Variants in CNTNAP4 observed in about 807,000 individuals in gnomAD.
The protein encoded by CNTNAP4 is contactin-associated protein-like 4.
CNTNAP4 carries 98 observed loss-of-function variants against 148.4 expected under a neutral mutation model. The observed-to-expected ratio is 0.66, with a 90% CI of 0.56 to 0.78. The LOEUF is 0.78. Among genes scored for constraint, CNTNAP4 ranks in the 30% least tolerant of loss-of-function variants. The probability of loss-of-function intolerance (pLI) is 0.00; values close to 1 mark genes in which losing one functional copy is unlikely to be tolerated. For synonymous variants in CNTNAP4, 730 were observed against 565.1 expected (o/e 1.29, Z -4.14); for missense variants, 1,935 against 1,565.6 (o/e 1.24, Z -3.98).
At chr16:76,522,313 C>T (rs952537730) in intron 17 of CNTNAP4, 56 bp downstream of exon 17, 9 of 1,440,494 alleles carry the variant, frequency 6.2e-6, no homozygotes, top group Admixed American at 5.4e-5. Context: ...CAGAAATGGC[C>T]CAAGATAAAA....
intron 2 of CNTNAP4, among the ~76,000 whole-genome samples, chr16:76,331,936 G>C (rs1384041982): frequency 6.6e-6 from 1 of 152,114 alleles, no homozygotes; most frequent in African/African-American, 2.4e-5. Context: ...GCTTATTCGG[G>C]AATGTCACTT....
At chr16:76,445,890 T>C (rs532427325) in intron 4 of CNTNAP4, among the ~76,000 whole-genome samples, 2 of 152,300 alleles carry the variant, frequency 1.3e-5, no homozygotes, top group East Asian at 3.9e-4. Context: ...TTACTGGAAT[T>C]TTTCTTAATT....
chr16:76,526,835 G>C lies in CNTNAP4; in HGVS notation c.2755+4578G>C, dbSNP rs567347104. ...ACCACAGGTACATGCCACCACGCTTGGCTAATTTTTGTATTTTTTATAGAA... is the reference window on the plus strand; with the variant it reads ...ACCACAGGTACATGCCACCACGCTTCGCTAATTTTTGTATTTTTTATAGAA... On this transcript the variant is annotated intron_variant, in intron 17 of 23. Transcript: ENST00000611870. Among the ~76,000 whole-genome samples the C allele has an allele frequency of 3.9e-5, 6 of 152,070 alleles. No homozygotes were observed. The South Asian group carries it at 1.0e-3, about 26-fold the overall frequency.
At chr16:76,484,638 C>T (rs535398844) in intron 12 of CNTNAP4, among the ~76,000 whole-genome samples, 88 of 152,112 alleles carry the variant, frequency 5.8e-4, no homozygotes, top group African/African-American at 2.1e-3. Flanking sequence ...TCTGGTTTTG[C>T]AAATAAGGAA....
intron 4 of CNTNAP4, among the ~76,000 whole-genome samples, chr16:76,438,366 G>C (rs1391081422): frequency 6.6e-6 from 1 of 152,092 alleles, no homozygotes; most frequent in Non-Finnish European, 1.5e-5. Flanking sequence ...ACCACCTTTG[G>C]AGTTCAAGTC....
intron 3 of CNTNAP4, among the ~76,000 whole-genome samples, chr16:76,412,306 C>T (rs975071847): frequency 9.9e-5 from 15 of 151,304 alleles, no homozygotes; most frequent in Non-Finnish European, 1.6e-4. Context: ...AAAATATTCA[C>T]GTACATACAT....
intron 5 of CNTNAP4, among the ~76,000 whole-genome samples, chr16:76,448,549 C>G (rs1430096502): frequency 6.6e-6 from 1 of 151,880 alleles, no homozygotes; most frequent in Non-Finnish European, 1.5e-5. Context: ...AGCGTGCAAT[C>G]AGTAATAATG....
chr16:76,404,149 A>T (rs558364893), intron 3 of CNTNAP4, among the ~76,000 whole-genome samples: 1 of 152,298 alleles, frequency 6.6e-6, no homozygotes, highest in African/African-American at 2.4e-5. Context: ...TTTATATAAC[A>T]AACCTACACA....
In CNTNAP4 at chr16:76,516,437, T is replaced by C. The variant is rs202189561; in HGVS notation, c.2366-4703T>C. Among the ~76,000 whole-genome samples the C allele has an allele frequency of 5.9e-5, 9 of 152,350 alleles. No homozygotes were observed. The East Asian group carries it at 1.5e-3, about 26-fold the overall frequency. On this transcript the variant is annotated intron_variant, in intron 15 of 23. Transcript: ENST00000611870. ...AATGATTTATAATTCTTTGGGTGTA[T>C]GCCCAGTAATGGCATTGCTGGGTCA...
At chr16:76,414,457 C>T (rs2078908808) in intron 3 of CNTNAP4, among the ~76,000 whole-genome samples, 2 of 151,144 alleles carry the variant, frequency 1.3e-5, no homozygotes, top group African/African-American at 4.8e-5. Context: ...TTTGGATTGG[C>T]ATTCATGGGT....
At chr16:76,417,577 C>G (rs892790394) in intron 3 of CNTNAP4, among the ~76,000 whole-genome samples, 1 of 151,540 alleles carries the variant, frequency 6.6e-6, no homozygotes, top group African/African-American at 2.4e-5. Context: ...TATCCATGTG[C>G]TATAAGCACC....
chr16:76,400,807 G>A (rs1271800014), intron 3 of CNTNAP4, among the ~76,000 whole-genome samples: 3 of 152,192 alleles, frequency 2.0e-5, no homozygotes, highest in Middle Eastern at 3.4e-3. Flanking sequence ...TCCTTTCCAC[G>A]TTGCTTGTTT....
chr16:76,500,679 G>GT (rs1404446776), intron 15 of CNTNAP4, among the ~76,000 whole-genome samples: 1 of 150,214 alleles, frequency 6.7e-6, no homozygotes, highest in Non-Finnish European at 1.5e-5. Flanking sequence ...GGTGCATGCT[G>GT]TTTTGCATAT....
intron 10 of CNTNAP4, among the ~76,000 whole-genome samples, chr16:76,474,974 G>A (rs2081512276): frequency 1.3e-5 from 2 of 152,080 alleles, no homozygotes; most frequent in African/African-American, 2.4e-5. Flanking sequence ...GTTGAACACG[G>A]CACCGTTTCT....
chr16:76,316,247 G>T (rs747070946), intron 1 of CNTNAP4, 166 bp from the exon 2 acceptor site: 30 of 654,474 alleles, frequency 4.6e-5, no homozygotes, highest in Non-Finnish European at 7.0e-5. Flanking sequence ...TTTTCTCATT[G>T]AACTTACTAG....
chr16:76,323,732 C>T (rs957060970), intron 2 of CNTNAP4, among the ~76,000 whole-genome samples: 6 of 152,110 alleles, frequency 3.9e-5, no homozygotes, highest in Non-Finnish European at 5.9e-5. Context: ...CGTCTTGGTG[C>T]GTTTTCCATC....
chr16:76,347,153 G>GTGTC (rs1248794402), intron 2 of CNTNAP4, among the ~76,000 whole-genome samples: 1 of 151,914 alleles, frequency 6.6e-6, no homozygotes, highest in African/African-American at 2.4e-5. Flanking sequence ...GTGTGTGTGT[G>GTGTC]TGTGTGTGTG....
intron 8 of CNTNAP4, among the ~76,000 whole-genome samples, chr16:76,460,343 A>G (rs1368689803): frequency 6.6e-6 from 1 of 151,614 alleles, no homozygotes; most frequent in Admixed American, 6.6e-5. Context: ...TCCCGACCTC[A>G]GGTGATCCGC....
At chr16:76,462,916 T>C (rs1254041306) in intron 9 of CNTNAP4, among the ~76,000 whole-genome samples, 1 of 152,248 alleles carries the variant, frequency 6.6e-6, no homozygotes, top group African/African-American at 2.4e-5. Context: ...TTGCATTTGA[T>C]AGAGGTAGCT....
Sources: allele counts gnomAD v4.1 joint callset (sites outside exome capture counted in the v4.1 genomes callset), GRCh38; gene constraint gnomAD v4.1.1; transcripts MANE v1.5; gene names NCBI Gene and HGNC (gene_info 2026-07-23, HGNC 2026-07-21).